The following DAAM2 variants were observed in gnomAD, a reference collection of about 807,000 sequenced individuals.
DAAM2 encodes disheveled-associated activator of morphogenesis 2.
In DAAM2, 39 loss-of-function variants were observed where a neutral mutation model predicts 120.7. The ratio of observed to expected loss-of-function variants is 0.32; its 90% CI spans 0.25 to 0.42. The LOEUF (loss-of-function observed/expected upper bound fraction) is 0.42. Ranked by LOEUF, DAAM2 falls within the 10% of genes least tolerant of loss-of-function variation. DAAM2 has a pLI of 1.00. For synonymous variants in DAAM2, 488 were observed against 524.9 expected (o/e 0.93, Z 0.96); for missense variants, 1,283 against 1,401.7 (o/e 0.92, Z 1.35).
chr6:39,877,618 T>C (rs1764923622), intron 11 of DAAM2, among the ~76,000 whole-genome samples: 1 of 152,236 alleles, frequency 6.6e-6, no homozygotes, highest in Non-Finnish European at 1.5e-5. Context: ...GATCTCGCTT[T>C]GGGATTTCAC....
At chr6:39,872,124 G>C (rs1020125647) in intron 9 of DAAM2, among the ~76,000 whole-genome samples, 3 of 152,210 alleles carry the variant, frequency 2.0e-5, no homozygotes, top group Non-Finnish European at 4.4e-5. Context: ...TAGGGTTCTA[G>C]GTGGCCCCAC....
chr6:39,820,523 G>T (rs558687399), intron 1 of DAAM2: 1 of 151,952 alleles, frequency 6.6e-6, no homozygotes, highest in African/African-American at 2.4e-5. Context: ...CTCTAGTCTC[G>T]TCTTGATTGA....
At chr6:39,875,542 A>G (rs1423674444) in intron 11 of DAAM2, 74 bp downstream of exon 11, 1 of 1,538,528 alleles carries the variant, frequency 6.5e-7, no homozygotes, top group East Asian at 2.3e-5. Context: ...CTCACCAGCG[A>G]AACCTCAGCT....
intron 1 of DAAM2, among the ~76,000 whole-genome samples, chr6:39,825,445 T>TGGGG (rs1411540261): frequency 8.5e-6 from 1 of 117,376 alleles, no homozygotes; most frequent in African/African-American, 3.6e-5. Flanking sequence ...GTCGGGGGGT[T>TGGGG]GGTGGGGGGC....
Position 39,830,548 on chromosome 6 carries a change from G to A in DAAM2, c.-56-25699G>A, listed in dbSNP as rs570449622. ...GACAGACCTACCCCTGTGGCCCTCC[G>A]GCTCAGGCAGTGCAGCTGGGCCAGC... On this transcript the variant is annotated intron_variant, in intron 1 of 24. Coordinates refer to ENST00000274867, the MANE Select transcript of DAAM2 (RefSeq NM_001201427.2). Among the ~76,000 whole-genome samples the A allele has an allele frequency of 1.8e-4, 28 of 152,228 alleles. No individual in the cohort carries two copies. In the South Asian group the frequency reaches 3.5e-3, roughly 19 times the overall value.
chr6:39,868,878 T>A lies in DAAM2; in HGVS notation c.818T>A (p.Leu273Gln). ...GGCCGGTACCGGGATGAAGTGAATC[T>A]GAAAACAGCCATCATGTCCTTCATC... The part of the protein sequence containing the change: ...SLGRYRDEVN[L>Q]KTAIMSFINA... Residue 273 changes from leucine to glutamine, a missense_variant, in exon 7 of 25, where the codon CTG becomes CAG. Leu to Gln is a moderately radical substitution (Grantham distance 113). This residue lies in a region of DAAM2 where 338 missense variants were observed against 443.9 expected (regional missense o/e 0.76). Transcript: ENST00000274867. The A allele has an allele frequency of 6.3e-7, 1 of 1,589,970 alleles. No homozygotes were observed. The highest frequency in any genetic ancestry group is 8.6e-7 in the Non-Finnish European group (1 of 1,168,108).
intron 1 of DAAM2, among the ~76,000 whole-genome samples, chr6:39,815,556 C>T (rs1371454672): frequency 6.6e-6 from 1 of 152,040 alleles, no homozygotes; most frequent in Non-Finnish European, 1.5e-5. Flanking sequence ...ATAGTAAGCT[C>T]ACAGGAAACA....
In DAAM2 at chr6:39,867,652, C is replaced by G; in HGVS notation, c.571C>G (p.Arg191Gly). ...IKALMNNSQG[R>G]AHVLAQPEAI... Reference sequence around the variant, plus strand: ...AGCATTGATGAACAACTCCCAGGGGCGGGCACATGTGCTGGCACAGCCTGA... The same window carrying G: ...AGCATTGATGAACAACTCCCAGGGGGGGGCACATGTGCTGGCACAGCCTGA... The change falls in exon 6 of 25, where the codon CGG becomes GGG. Residue 191 changes from arginine (R) to glycine (G), a missense_variant. Arg to Gly is a moderately radical substitution (Grantham distance 125, BLOSUM62 -2). Around this residue, in one of 3 missense-constraint regions of DAAM2, gnomAD observed 338 missense variants for 443.9 expected, o/e 0.76. Transcript: ENST00000274867. 3 of 1,614,040 alleles carry G rather than the reference C, an allele frequency of 1.9e-6. No individual in the cohort carries two copies. The highest frequency in any genetic ancestry group is 2.5e-6 in the Non-Finnish European group (3 of 1,179,910).
chr6:39,897,018 A>G (rs1027978034), intron 20 of DAAM2, 38 bp downstream of exon 20: 39 of 1,583,034 alleles, frequency 2.5e-5, no homozygotes, highest in Non-Finnish European at 3.3e-5. Flanking sequence ...CTTGGCCTCT[A>G]TCTCACCCTA....
chr6:39,831,035 A>G lies in DAAM2; in HGVS notation c.-56-25212A>G, dbSNP rs140664188. Among the ~76,000 whole-genome samples, 6 of 152,332 alleles carry G rather than the reference A, an allele frequency of 3.9e-5. No individual in the cohort carries two copies. The East Asian group carries it at 1.2e-3, about 29-fold the overall frequency. ...GGGCATCATCTCCATTTCTCAGATGAGTAAACTAAGGCATGTGGGGAGTTA... is the reference window on the plus strand; with the variant it reads ...GGGCATCATCTCCATTTCTCAGATGGGTAAACTAAGGCATGTGGGGAGTTA... On this transcript the variant is annotated intron_variant, in intron 1 of 24. Transcript: ENST00000274867.
Position 39,856,281 on chromosome 6 carries a change from C to A in DAAM2, c.-22C>A. The A allele has an allele frequency of 6.8e-7, 1 of 1,468,136 alleles. No homozygotes were observed. Among genetic ancestry groups the A allele is most frequent in the Non-Finnish European group, 9.0e-7 (1 of 1,109,030 alleles). The allele number at this position is 1,468,136 out of a possible 1,614,324, so 90.9% of individuals were successfully genotyped here. A position where few individuals can be genotyped will look rare whatever the true frequency, so the allele number is the denominator to read the frequency against. ...AGGACCTAGGGCATCTGTCTGCTGA[C>A]GCCCCCTGGCCTGCAGTGACCATGG... On this transcript the variant is annotated 5_prime_UTR_variant, in exon 2 of 25. Coordinates refer to ENST00000274867, the MANE Select transcript of DAAM2 (RefSeq NM_001201427.2).
At chr6:39,879,862 GACA>G in intron 14 of DAAM2, 1 of 365,896 alleles carries the variant, frequency 2.7e-6, no homozygotes, top group South Asian at 2.3e-5. Context: ...TAAAGATCAG[GACA>G]ATGTATACAA....
In DAAM2 at chr6:39,867,858, T is replaced by G; in HGVS notation, c.762+15T>G. On this transcript the variant is annotated intron_variant, in intron 6 of 24. Coordinates refer to ENST00000274867, the MANE Select transcript of DAAM2 (RefSeq NM_001201427.2). Reference sequence around the variant, plus strand: ...CCCGCTTCCAGGTGAGGGGCCAGGCTGGAGGTGGGATGCCAGCTGGGTGGG... The same window carrying G: ...CCCGCTTCCAGGTGAGGGGCCAGGCGGGAGGTGGGATGCCAGCTGGGTGGG... 1 of 1,555,082 alleles carries G rather than the reference T, an allele frequency of 6.4e-7. No individual in the cohort carries two copies.
chr6:39,879,112 G>A (rs940598304), intron 13 of DAAM2, 66 bp from the exon 14 acceptor site: 12 of 1,021,558 alleles, frequency 1.2e-5, no homozygotes, highest in Non-Finnish European at 1.7e-5. Flanking sequence ...GAGGAATCAT[G>A]GTGGGAGACC....
intron 1 of DAAM2, among the ~76,000 whole-genome samples, chr6:39,832,775 T>C (rs1458744594): frequency 6.6e-6 from 1 of 152,160 alleles, no homozygotes; most frequent in Non-Finnish European, 1.5e-5. Context: ...TCCACGGAGC[T>C]GTACCTTGCT....
At chr6:39,886,618 G>C in intron 15 of DAAM2, 1 of 396,276 alleles carries the variant, frequency 2.5e-6, no homozygotes, top group Non-Finnish European at 4.4e-6. Context: ...AAATGTAGCA[G>C]AGGGAGGTAA....
Position 39,889,289 on chromosome 6 carries a change from G to C in DAAM2, c.2145+526G>C, listed in dbSNP as rs1765556139. On this transcript the variant is annotated intron_variant, in intron 17 of 24. Transcript: ENST00000274867. ...ACTTGAAGGGGTGCTTCATGAAAGAGGATTTCCAAATAGACAATAAGAATA... is the reference window on the plus strand; with the variant it reads ...ACTTGAAGGGGTGCTTCATGAAAGACGATTTCCAAATAGACAATAAGAATA... 2.0e-5 allele frequency among the ~76,000 whole-genome samples: 3 copies of C among 152,254 alleles called. No individual in the cohort carries two copies. In the South Asian group the frequency reaches 6.2e-4, roughly 32 times the overall value.
intron 1 of DAAM2, among the ~76,000 whole-genome samples, chr6:39,841,472 C>T (rs1425960835): frequency 1.3e-5 from 2 of 151,972 alleles, no homozygotes. Context: ...GGAGCTCTGA[C>T]CTGAGTGGCT....
At chr6:39,825,182 G>A (rs554769554) in intron 1 of DAAM2, among the ~76,000 whole-genome samples, 1 of 152,212 alleles carries the variant, frequency 6.6e-6, no homozygotes, top group African/African-American at 2.4e-5. Flanking sequence ...CTGAGGTCAG[G>A]AGTCTGAAAC....
Sources: gnomAD v4.1 joint callset for allele counts (sites outside exome capture counted in the v4.1 genomes callset) on GRCh38, gnomAD v4.1.1 for gene constraint, gnomAD v4.1.1 regional missense constraint, MANE v1.5 for transcripts, NCBI Gene and HGNC (gene_info 2026-07-23, HGNC 2026-07-21) for gene names.